GRM7: variants seen among roughly 807,000 people sequenced by gnomAD.
GRM7 encodes glutamate metabotropic receptor 7.
GRM7 carries 35 observed loss-of-function variants against 84.5 expected under a neutral mutation model. That is an observed-to-expected ratio of 0.41 (90% CI 0.32 to 0.55). GRM7 has a LOEUF of 0.55. GRM7 is among the 20% of genes least tolerant of loss of function. The pLI is 0.19. For synonymous variants in GRM7, 487 were observed against 455.1 expected (o/e 1.07, Z -0.89); for missense variants, 1,003 against 1,194.6 (o/e 0.84, Z 2.36).
chr3:6,903,122 C>G (rs559305502), intron 1 of GRM7, among the ~76,000 whole-genome samples: 259 of 151,886 alleles, frequency 1.7e-3, no homozygotes, highest in Non-Finnish European at 2.7e-3. Flanking sequence ...TTTTAGGATA[C>G]TTAGACAAAT....
intron 4 of GRM7, among the ~76,000 whole-genome samples, chr3:7,390,528 A>G (rs1314096913): frequency 6.6e-6 from 1 of 151,812 alleles, no homozygotes; most frequent in Non-Finnish European, 1.5e-5. Flanking sequence ...TGAAGGCTTT[A>G]CTCATCTTTT....
intron 4 of GRM7, among the ~76,000 whole-genome samples, chr3:7,309,702 CT>C (rs1413298034): frequency 1.3e-5 from 2 of 152,068 alleles, no homozygotes; most frequent in Non-Finnish European, 2.9e-5. Context: ...TGAAAGTGGC[CT>C]TTCTCTTCTA....
intron 7 of GRM7, among the ~76,000 whole-genome samples, chr3:7,542,913 C>A (rs567086642): frequency 6.6e-6 from 1 of 152,108 alleles, no homozygotes; most frequent in African/African-American, 2.4e-5. Flanking sequence ...TATCGACTTG[C>A]GTACTTTCTG....
intron 2 of GRM7, among the ~76,000 whole-genome samples, chr3:7,185,107 G>A (rs76055085): frequency 7.4e-4 from 112 of 152,266 alleles, no homozygotes; most frequent in African/African-American, 2.5e-3. Context: ...TATTTAGTAA[G>A]TGCAAAAGCC....
intron 8 of GRM7, among the ~76,000 whole-genome samples, chr3:7,580,854 A>C (rs1695214614): frequency 6.6e-6 from 1 of 152,032 alleles, no homozygotes; most frequent in Admixed American, 6.6e-5. Context: ...GGAATAGTAA[A>C]ATATGAGTTA....
chr3:7,665,168 C>CTTTTTTT (rs34966790), intron 8 of GRM7, among the ~76,000 whole-genome samples: 2 of 102,524 alleles, frequency 2.0e-5, no homozygotes, highest in Non-Finnish European at 3.8e-5. Flanking sequence ...GCCCATGATT[C>CTTTTTTT]TTTTTTTTTT....
intron 8 of GRM7, among the ~76,000 whole-genome samples, chr3:7,613,783 C>T (rs1051964872): frequency 6.6e-6 from 1 of 152,134 alleles, no homozygotes; most frequent in African/African-American, 2.4e-5. Flanking sequence ...ATCAAGACCT[C>T]ACATTTTAAT....
chr3:6,898,582 A>T (rs1042128004), intron 1 of GRM7, among the ~76,000 whole-genome samples: 7 of 152,074 alleles, frequency 4.6e-5, no homozygotes, highest in African/African-American at 1.7e-4. Context: ...CACCAAGACT[A>T]GGAAAATAAA....
intron 4 of GRM7, among the ~76,000 whole-genome samples, chr3:7,372,214 A>G (rs934526275): frequency 6.6e-6 from 1 of 152,170 alleles, no homozygotes; most frequent in Non-Finnish European, 1.5e-5. Flanking sequence ...GTGGCAGAAG[A>G]TGGCATTCAC....
intron 1 of GRM7, among the ~76,000 whole-genome samples, chr3:6,896,906 G>C (rs1696203441): frequency 6.6e-6 from 1 of 152,166 alleles, no homozygotes; most frequent in Non-Finnish European, 1.5e-5. Flanking sequence ...AATTGTGTGT[G>C]CATGTGAATG....
chr3:7,537,298 C>T (rs755040441), intron 7 of GRM7, among the ~76,000 whole-genome samples: 23 of 152,256 alleles, frequency 1.5e-4, no homozygotes, highest in Non-Finnish European at 3.2e-4. Context: ...AAGGTATCTA[C>T]CCTCTTAACT....
intron 2 of GRM7, among the ~76,000 whole-genome samples, chr3:7,157,547 C>A (rs1165388730): frequency 4.0e-5 from 6 of 151,638 alleles, no homozygotes; most frequent in Admixed American, 3.9e-4. Flanking sequence ...GAAACCATCA[C>A]AACTTAAAAT....
intron 7 of GRM7, among the ~76,000 whole-genome samples, chr3:7,475,059 G>A (rs549794418): frequency 1.3e-5 from 2 of 152,276 alleles, no homozygotes; most frequent in East Asian, 3.9e-4. Flanking sequence ...AGTTGTAGGG[G>A]CCTGTTTTCA....
chr3:7,042,768 A>G (rs567398489), intron 1 of GRM7, among the ~76,000 whole-genome samples: 6 of 152,002 alleles, frequency 3.9e-5, no homozygotes, highest in Non-Finnish European at 7.4e-5. Flanking sequence ...TTTAATATCT[A>G]TATTTCTCCT....
chr3:7,366,184 C>T lies in GRM7; in HGVS notation c.1034-48839C>T, dbSNP rs140775644. Among the ~76,000 whole-genome samples, 84 of 151,946 alleles carry T rather than the reference C, an allele frequency of 5.5e-4. 3 individuals are homozygous for T. Among genetic ancestry groups the T allele is most frequent in the African/African-American group, 2.0e-3 (82 of 41,534 alleles). Reference sequence around the variant, plus strand: ...CCTTCCATCCCCAAAAGGACTTTAACAGCCAACCCTCATGTGTAATAGCCT... The same window carrying T: ...CCTTCCATCCCCAAAAGGACTTTAATAGCCAACCCTCATGTGTAATAGCCT... On this transcript the variant is annotated intron_variant, in intron 4 of 9. Coordinates refer to ENST00000357716, the MANE Select transcript of GRM7 (RefSeq NM_000844.4).
At chr3:7,197,538 A>C (rs1226018280) in intron 2 of GRM7, among the ~76,000 whole-genome samples, 1 of 152,150 alleles carries the variant, frequency 6.6e-6, no homozygotes, top group East Asian at 1.9e-4. Flanking sequence ...AAAGATTGTT[A>C]ATTGTTCAAG....
In GRM7 at chr3:6,863,243, A is replaced by G. The variant is rs1477652498; in HGVS notation, c.519+1336A>G. ...TTAAAATGACCCTTTTCCAGTGCAT[A>G]GCGGCTCTCTCCCTGGCTGGTGGTA... On this transcript the variant is annotated intron_variant, in intron 1 of 9. Transcript: ENST00000357716. This position sits in a 1 kb window ranked among gnomAD's most constrained non-coding sequence, Gnocchi z 4.8. Among the ~76,000 whole-genome samples, 3 of 151,530 alleles carry G rather than the reference A, an allele frequency of 2.0e-5. No individual in the cohort carries two copies. Among genetic ancestry groups the G allele is most frequent in the Non-Finnish European group, 4.4e-5 (3 of 67,948 alleles).
chr3:6,954,631 C>T (rs1692947886), intron 1 of GRM7, among the ~76,000 whole-genome samples: 1 of 152,072 alleles, frequency 6.6e-6, no homozygotes, highest in Admixed American at 6.6e-5. Flanking sequence ...ACTTACTAGC[C>T]CTGTGAGCTC....
intron 6 of GRM7, among the ~76,000 whole-genome samples, chr3:7,455,273 A>C (rs932614967): frequency 6.6e-6 from 1 of 152,194 alleles, no homozygotes; most frequent in African/African-American, 2.4e-5. Flanking sequence ...TAAAGACCTA[A>C]GTAGTAATTT....
Sources: gnomAD v4.1 joint callset for allele counts (sites outside exome capture counted in the v4.1 genomes callset) on GRCh38, gnomAD v4.1.1 for gene constraint, Gnocchi (gnomAD v3.1) non-coding constraint, MANE v1.5 for transcripts, NCBI Gene and HGNC (gene_info 2026-07-23, HGNC 2026-07-21) for gene names.